NDE1: variants seen among roughly 807,000 people sequenced by gnomAD.
NDE1 encodes the protein nuclear distribution protein nudE homolog 1.
Under a neutral mutation model 43.4 loss-of-function variants are expected in NDE1, and 28 were observed. The observed-to-expected ratio is 0.65, with a 90% CI of 0.48 to 0.89. The LOEUF (loss-of-function observed/expected upper bound fraction) is 0.89, where lower values mean the gene tolerates loss of function less well. NDE1 is among the 40% of genes least tolerant of loss of function. NDE1 has a pLI of 0.00. For synonymous variants in NDE1, 184 were observed against 172.0 expected, an observed-to-expected ratio of 1.07 and a Z score of -0.55; for missense variants, 441 against 434.1, an observed-to-expected ratio of 1.02 and a Z score of -0.14.
At chr16:15,715,130 G>GGGGGCTC (rs765378414) in intron 8 of NDE1, 43 of 1,611,986 alleles carry the variant, frequency 2.7e-5, no homozygotes, top group Non-Finnish European at 3.6e-5. Flanking sequence ...GCTGGGGGCT[G>GGGGGCTC]GGGGCTCGAG....
At chr16:15,716,170 G>C (rs1354041382) in intron 8 of NDE1, among the ~76,000 whole-genome samples, 5 of 151,952 alleles carry the variant, frequency 3.3e-5, no homozygotes, top group Admixed American at 3.3e-4. Flanking sequence ...CTCAAGTGCT[G>C]CTCCCACCTA....
intron 8 of NDE1, chr16:15,721,237 C>A: frequency 1.1e-6 from 1 of 935,396 alleles, no homozygotes; most frequent in South Asian, 1.4e-5. Context: ...CCCCCCAACT[C>A]AGACCCATCC....
At chr16:15,719,081 T>G in intron 8 of NDE1, 1 of 813,192 alleles carries the variant, frequency 1.2e-6, no homozygotes. Flanking sequence ...TGAGCCAAGA[T>G]TGTGCCACTG....
chr16:15,690,243 G>A (rs532324500), intron 5 of NDE1, among the ~76,000 whole-genome samples: 1 of 147,402 alleles, frequency 6.8e-6, no homozygotes, highest in Admixed American at 6.9e-5. Context: ...ACGGGGTTTT[G>A]CCATGTTGGC....
intron 7 of NDE1, chr16:15,694,487 A>G: frequency 8.0e-7 from 1 of 1,248,264 alleles, no homozygotes; most frequent in South Asian, 1.4e-5. Context: ...CTTGGACCAC[A>G]GGTGTGCGCC....
At chr16:15,711,937 C>G (rs1396843281) in intron 8 of NDE1, among the ~76,000 whole-genome samples, 1 of 152,194 alleles carries the variant, frequency 6.6e-6, no homozygotes, top group Non-Finnish European at 1.5e-5. Flanking sequence ...AGGTGATCAG[C>G]CTGCGTTGGC....
chr16:15,644,917 ACTTT>A (rs2036288774), intron 1 of NDE1, among the ~76,000 whole-genome samples: 1 of 143,906 alleles, frequency 6.9e-6, no homozygotes, highest in South Asian at 2.2e-4. Flanking sequence ...TTTCCTTTTT[ACTTT>A]TTTTTTTTTT....
rs186632427 is a variant in NDE1, at chr16:15,714,294, G to A, written c.948-9897G>A. 142 of 156,178 alleles carry A rather than the reference G, an allele frequency of 9.1e-4. 3 individuals are homozygous for A. The South Asian group carries it at 0.021, about 23-fold the overall frequency. The allele number at this position is 156,178 out of a possible 1,614,324, so 9.7% of individuals were successfully genotyped here. On this transcript the variant is annotated intron_variant, in intron 8 of 8. Coordinates refer to ENST00000396354, the MANE Select transcript of NDE1 (RefSeq NM_017668.3). ...AGGAATTCTCAGCGGGGTGGCAGTC[G>A]TACCCTCCCATCTCTAGAGGACTTC...
chr16:15,688,922 T>G (rs940695849), intron 5 of NDE1, among the ~76,000 whole-genome samples: 7 of 148,586 alleles, frequency 4.7e-5, no homozygotes, highest in Non-Finnish European at 7.4e-5. Flanking sequence ...GGTCTTGAAC[T>G]CCTGACCCCA....
chr16:15,721,095 A>G, intron 8 of NDE1: 1 of 1,601,662 alleles, frequency 6.2e-7, no homozygotes, highest in Non-Finnish European at 8.5e-7. Context: ...GCTCAACTTC[A>G]TGAAGACGAT....
At chr16:15,673,350 C>G (rs996927046) in intron 3 of NDE1, among the ~76,000 whole-genome samples, 2 of 151,974 alleles carry the variant, frequency 1.3e-5, no homozygotes, top group Non-Finnish European at 2.9e-5. Context: ...ACCATAGGCA[C>G]TTGCCACCAC....
intron 8 of NDE1, chr16:15,718,641 CTGGGAT>C: frequency 1.4e-6 from 1 of 733,672 alleles, no homozygotes; most frequent in Non-Finnish European, 2.2e-6. Flanking sequence ...GTCAGCAAAG[CTGGGAT>C]TGGGATGGGG....
chr16:15,644,274 A>G (rs1253869536), intron 1 of NDE1, among the ~76,000 whole-genome samples: 1 of 152,204 alleles, frequency 6.6e-6, no homozygotes, highest in Non-Finnish European at 1.5e-5. Context: ...ATTTTGCCCA[A>G]AAAAATCCTT....
chr16:15,709,682 C>T (rs1244926067), intron 8 of NDE1, among the ~76,000 whole-genome samples: 1 of 152,166 alleles, frequency 6.6e-6, no homozygotes, highest in Non-Finnish European at 1.5e-5. Flanking sequence ...CTATAAATCC[C>T]ATGATTGCAT....
chr16:15,715,017 G>A (rs762473731), intron 8 of NDE1: 2 of 1,613,902 alleles, frequency 1.2e-6, no homozygotes, highest in South Asian at 2.2e-5. Context: ...GATGCGCTGG[G>A]ACTCCTCCTC....
At chr16:15,645,153 C>G (rs1016048865) in intron 1 of NDE1, among the ~76,000 whole-genome samples, 19 of 152,140 alleles carry the variant, frequency 1.2e-4, no homozygotes, top group African/African-American at 4.3e-4. Flanking sequence ...CTCCTAGCCT[C>G]AAGTGATCCT....
chr16:15,690,337 CTTTTTTTTTTTTTTTCT>C (rs2038674283), intron 5 of NDE1, among the ~76,000 whole-genome samples: 3 of 74,108 alleles, frequency 4.0e-5, no homozygotes, highest in Non-Finnish European at 5.4e-5. Context: ...TGCAACTGGC[CTTTTTTTTTTTTTTTCT>C]TTTTTTTTTT....
intron 3 of NDE1, among the ~76,000 whole-genome samples, chr16:15,671,513 A>G (rs543584152): frequency 9.6e-4 from 146 of 152,202 alleles, no homozygotes; most frequent in African/African-American, 3.4e-3. Context: ...TAAAAAATAA[A>G]AAACCTGAGT....
At chr16:15,667,527 T>C in intron 3 of NDE1, 88 bp downstream of exon 3, 1 of 1,503,914 alleles carries the variant, frequency 6.6e-7, no homozygotes, top group South Asian at 1.2e-5. Flanking sequence ...AACCCTGCAA[T>C]GAGGGACTCC....
Sources: allele counts gnomAD v4.1 joint callset (sites outside exome capture counted in the v4.1 genomes callset), GRCh38; gene constraint gnomAD v4.1.1; transcripts MANE v1.5; gene names NCBI Gene and HGNC (gene_info 2026-07-23, HGNC 2026-07-21).